CADPS: variants seen among roughly 807,000 people sequenced by gnomAD.
CADPS encodes the protein calcium-dependent secretion activator 1.
A neutral mutation model predicts 167.3 loss-of-function variants in CADPS; 57 were observed. The ratio of observed to expected loss-of-function variants is 0.34; its 90% confidence interval spans 0.28 to 0.42. The LOEUF is 0.42. CADPS is among the 20% of genes least tolerant of loss of function. The pLI is 1.00. For missense variants in CADPS, 1,414 were observed against 1,738.1 expected, an observed-to-expected ratio of 0.81 and a Z score of 3.32; for synonymous variants, 676 against 635.3, an observed-to-expected ratio of 1.06 and a Z score of -0.96.
In CADPS at chr3:62,580,330, G is replaced by A. The variant is rs564509930; in HGVS notation, c.1577+4855C>T. Among the ~76,000 whole-genome samples the A allele has an allele frequency of 6.6e-5, 10 of 152,090 alleles. 1 individual carries two copies. In the East Asian group the frequency reaches 7.7e-4, roughly 12 times the overall value. On this transcript the variant is annotated intron_variant, in intron 8 of 29. Coordinates refer to ENST00000383710, the MANE Select transcript of CADPS (RefSeq NM_003716.4). The stretch of plus-strand genomic sequence containing the variant: ...AAATCATCATTCTCAGTAAACTATC[G>A]CAAGGACAAAAAACCAAACACCACA...
At chr3:62,548,215 C>T (rs1463415701) in intron 11 of CADPS, among the ~76,000 whole-genome samples, 2 of 151,898 alleles carry the variant, frequency 1.3e-5, no homozygotes, top group African/African-American at 4.8e-5. Context: ...GGATTTTTGT[C>T]ATACTTTAAA....
intron 26 of CADPS, among the ~76,000 whole-genome samples, chr3:62,457,862 A>C (rs7650857): frequency 0.063 from 9,580 of 152,260 alleles, 566 homozygotes; most frequent in African/African-American, 0.15. Context: ...GCGTTTTCTC[A>C]TAAGTGGGAG....
At chr3:62,563,996 C>T (rs1434117988) in intron 9 of CADPS, among the ~76,000 whole-genome samples, 1 of 151,934 alleles carries the variant, frequency 6.6e-6, no homozygotes, top group African/African-American at 2.4e-5. Context: ...AATCAAAAGA[C>T]CTGTGTTAGG....
In CADPS at chr3:62,655,724, A is replaced by C. The variant is rs373588626; in HGVS notation, c.970-4644T>G. Reference sequence around the variant, plus strand: ...CAAATGACAAAGTTGGTGGGTGATCAGAAGGAGGAATGTGACAGAAGGGCC... The same window carrying C: ...CAAATGACAAAGTTGGTGGGTGATCCGAAGGAGGAATGTGACAGAAGGGCC... On this transcript the variant is annotated intron_variant, in intron 4 of 29. Transcript: ENST00000383710. Among the ~76,000 whole-genome samples, 6 of 152,120 alleles carry C rather than the reference A, an allele frequency of 3.9e-5. No homozygotes were observed. In the East Asian group the frequency reaches 5.8e-4, roughly 15 times the overall value.
chr3:62,518,323 G>C, intron 13 of CADPS, 73 bp from the exon 14 acceptor site: 2 of 1,117,414 alleles, frequency 1.8e-6, no homozygotes, highest in East Asian at 4.7e-5. Context: ...TCTAGCAGGA[G>C]GAAACTGTCC....
rs73102584 is a variant in CADPS, at chr3:62,446,643, C to G, written c.3637-846G>C. 0.029 allele frequency among the ~76,000 whole-genome samples: 4,444 copies of G among 152,222 alleles called. 124 individuals are homozygous for G. The highest frequency in any genetic ancestry group is 0.041 in the Non-Finnish European group (2,757 of 68,020). ...CACACTTAGCCCCAGGATGTAAATA[C>G]AGAACAAATGGCAGCTAAGACGATG... On this transcript the variant is annotated intron_variant, in intron 26 of 29. Transcript: ENST00000383710. The surrounding 1 kb of genome is among the most constrained non-coding windows in gnomAD (Gnocchi z 4.9).
At chr3:62,401,643 A>G (rs1293147439) in intron 29 of CADPS, among the ~76,000 whole-genome samples, 3 of 151,830 alleles carry the variant, frequency 2.0e-5, no homozygotes, top group Non-Finnish European at 4.4e-5. Flanking sequence ...GAGTTGTGGC[A>G]TTAGTTAAGC....
chr3:62,833,050 G>T (rs775229033), intron 1 of CADPS, among the ~76,000 whole-genome samples: 1 of 152,104 alleles, frequency 6.6e-6, no homozygotes, highest in Non-Finnish European at 1.5e-5. Context: ...AAAGCCACAC[G>T]GTGCCTTCTT....
intron 28 of CADPS, among the ~76,000 whole-genome samples, chr3:62,408,603 C>T (rs115674979): frequency 0.016 from 2,462 of 152,280 alleles, 33 homozygotes; most frequent in Non-Finnish European, 0.022. Context: ...TAGAGTGTTG[C>T]TACAATGATT....
intron 2 of CADPS, among the ~76,000 whole-genome samples, chr3:62,763,407 C>T (rs764806187): frequency 4.6e-5 from 7 of 152,202 alleles, no homozygotes; most frequent in Non-Finnish European, 8.8e-5. Context: ...ATACCCATCC[C>T]GCTGGTAACT....
chr3:62,666,269 G>A (rs2074383732), intron 3 of CADPS, among the ~76,000 whole-genome samples: 1 of 152,170 alleles, frequency 6.6e-6, no homozygotes, highest in South Asian at 2.1e-4. Flanking sequence ...AGGATGAAAA[G>A]GGAAATGCAA....
chr3:62,830,211 G>C, intron 1 of CADPS, among the ~76,000 whole-genome samples: 1 of 152,258 alleles, frequency 6.6e-6, no homozygotes, highest in Non-Finnish European at 1.5e-5. Context: ...TTTGAAATCT[G>C]TTGAAAGATC....
chr3:62,635,566 T>C (rs1302000499), intron 6 of CADPS, among the ~76,000 whole-genome samples: 1 of 152,200 alleles, frequency 6.6e-6, no homozygotes, highest in Non-Finnish European at 1.5e-5. Flanking sequence ...GTATGTATTT[T>C]ATTCATTACT....
At chr3:62,407,691 T>C (rs1270516293) in intron 28 of CADPS, among the ~76,000 whole-genome samples, 4 of 152,198 alleles carry the variant, frequency 2.6e-5, no homozygotes, top group Non-Finnish European at 5.9e-5. Context: ...ATTTACCCAC[T>C]GTTGTTATTC....
In CADPS at chr3:62,617,580, A is replaced by T. The variant is rs560573945; in HGVS notation, c.1326-24832T>A. Among the ~76,000 whole-genome samples, 21 of 152,208 alleles carry T rather than the reference A, an allele frequency of 1.4e-4. No homozygotes were observed. In the South Asian group the frequency reaches 3.9e-3, roughly 29 times the overall value. On this transcript the variant is annotated intron_variant, in intron 6 of 29. Coordinates refer to ENST00000383710, the MANE Select transcript of CADPS (RefSeq NM_003716.4). ...GTGGAGAAACCCCAAAATGAACAAG[A>T]CATGTGTGATGAGATTTATGAAGGT... is the stretch of plus-strand genomic sequence containing the variant.
chr3:62,673,393 A>G (rs1209136954), intron 3 of CADPS, among the ~76,000 whole-genome samples: 1 of 152,220 alleles, frequency 6.6e-6, no homozygotes, highest in Non-Finnish European at 1.5e-5. Context: ...TGAGTATTTA[A>G]GTGCAGAAAG....
At chr3:62,732,124 C>T (rs2078024461) in intron 3 of CADPS, among the ~76,000 whole-genome samples, 1 of 152,152 alleles carries the variant, frequency 6.6e-6, no homozygotes, top group African/African-American at 2.4e-5. Flanking sequence ...CTAACAGGCT[C>T]CTAATTTTCT....
At chr3:62,471,047 C>T (rs538814581) in intron 24 of CADPS, among the ~76,000 whole-genome samples, 21 of 152,134 alleles carry the variant, frequency 1.4e-4, no homozygotes, top group Non-Finnish European at 2.5e-4. Context: ...GATTTTATAT[C>T]CAGAATTAGG....
chr3:62,464,541 G>A (rs2150360170), intron 26 of CADPS, among the ~76,000 whole-genome samples: 1 of 152,218 alleles, frequency 6.6e-6, no homozygotes, highest in African/African-American at 2.4e-5. Flanking sequence ...GGGAGAACTG[G>A]GCCCCCGAAG....
Sources: allele counts gnomAD v4.1 joint callset (sites outside exome capture counted in the v4.1 genomes callset), GRCh38; gene constraint gnomAD v4.1.1; non-coding constraint Gnocchi (gnomAD v3.1); transcripts MANE v1.5; gene names NCBI Gene and HGNC (gene_info 2026-07-23, HGNC 2026-07-21).